The following PARD3 variants were observed in gnomAD, a reference collection of about 807,000 sequenced individuals.
PARD3 encodes par-3 family cell polarity regulator, also known as partitioning defective 3 homolog.
In PARD3, 75 loss-of-function variants were observed where a neutral mutation model predicts 155.4. That is an observed-to-expected ratio of 0.48 (90% CI 0.40 to 0.58). The LOEUF is 0.58. PARD3 is among the 20% of genes least tolerant of loss of function. The pLI, the probability that PARD3 is intolerant of heterozygous loss-of-function variation, is 0.00. For synonymous variants in PARD3, 576 were observed against 610.5 expected (o/e 0.94, Z 0.83); for missense variants, 1,642 against 1,721.7 (o/e 0.95, Z 0.82).
chr10:34,337,343 T>A lies in PARD3; in HGVS notation c.2492A>T (p.Lys831Met). Residue 831 changes from lysine to methionine, a missense_variant, in exon 17 of 25, where the codon AAG becomes ATG. By Grantham distance (95) the Lys-to-Met change is moderately conservative. Transcript: ENST00000374788. Reference protein sequence around the residue: ...GRQSMSEKRTKQFSDASQLDF... With the variant: ...GRQSMSEKRTMQFSDASQLDF... ...CAATTGACTGGCATCTGAAAATTGC[T>A]TTGTGCGTTTTTCTGACATACTCTG... 2 of 1,603,450 alleles carry A rather than the reference T, an allele frequency of 1.2e-6. No homozygotes were observed. The highest frequency in any genetic ancestry group is 1.7e-6 in the Non-Finnish European group (2 of 1,174,762).
At chr10:34,578,227 GA>G in intron 2 of PARD3, among the ~76,000 whole-genome samples, 1 of 152,014 alleles carries the variant, frequency 6.6e-6, no homozygotes, top group Non-Finnish European at 1.5e-5. Flanking sequence ...ACTTCGTGCT[GA>G]AAAAAATTTT....
At chr10:34,750,504 CACACA>C (rs1382127149) in intron 1 of PARD3, among the ~76,000 whole-genome samples, 28 of 136,356 alleles carry the variant, frequency 2.1e-4, no homozygotes, top group South Asian at 1.8e-3. Context: ...CACACACACA[CACACA>C]CCCTAAGACT....
intron 15 of PARD3, among the ~76,000 whole-genome samples, chr10:34,347,508 G>A (rs1055918074): frequency 2.0e-5 from 3 of 152,200 alleles, no homozygotes; most frequent in African/African-American, 7.2e-5. Flanking sequence ...CCAGATACAT[G>A]TGAATATTTT....
Position 34,325,536 on chromosome 10 carries a change from CT to C in PARD3, c.2833+5580del, listed in dbSNP as rs1389420077. On this transcript the variant is annotated intron_variant, in intron 19 of 24. Transcript: ENST00000374788. ...CTGGGCACCCCTACACCACCACCCC[CT>C]CCCCAGTGTCACACTAACTTACACA... 2.6e-5 allele frequency among the ~76,000 whole-genome samples: 4 copies of C among 152,160 alleles called. 1 individual carries two copies. Among genetic ancestry groups the C allele is most frequent in the African/African-American group, 9.7e-5 (4 of 41,416 alleles).
chr10:34,643,644 G>A (rs2092748265), intron 2 of PARD3, among the ~76,000 whole-genome samples: 1 of 152,212 alleles, frequency 6.6e-6, no homozygotes, highest in South Asian at 2.1e-4. Flanking sequence ...TATAGGTCAG[G>A]TGTGGCGGCT....
intron 5 of PARD3, among the ~76,000 whole-genome samples, chr10:34,436,687 G>A (rs2076204375): frequency 6.6e-6 from 1 of 152,134 alleles, no homozygotes; most frequent in African/African-American, 2.4e-5. Context: ...AACAGCAAAG[G>A]ATAGTAAATA....
intron 7 of PARD3, among the ~76,000 whole-genome samples, chr10:34,385,282 C>T (rs990818913): frequency 3.3e-5 from 5 of 151,968 alleles, no homozygotes; most frequent in Non-Finnish European, 7.4e-5. Context: ...CACAGGCATG[C>T]GCCACCATGC....
rs755977475 is a variant in PARD3 at position 34,341,635 on chromosome 10, T to C, written c.2400A>G (p.Ser800=). ...GTWAKAAISD[S]ADCSLSPDVD... ...CTGGACGATGAGCTTACCAGTCGGC[T>C]GAATCACTGATTGCAGCCTTGGCCC... is the stretch of plus-strand genomic sequence containing the variant. The change falls in exon 16 of 25, where the codon TCA becomes TCG. Residue 800 remains serine (S), a synonymous_variant. Coordinates refer to ENST00000374788, the MANE Select transcript of PARD3 (RefSeq NM_001184785.2). 8.1e-6 allele frequency: 13 copies of C among 1,611,438 alleles called. No individual in the cohort carries two copies. Among genetic ancestry groups the C allele is most frequent in the African/African-American group, 1.3e-5 (1 of 74,826 alleles).
chr10:34,444,232 C>T (rs1589598607), intron 5 of PARD3, among the ~76,000 whole-genome samples: 1 of 152,176 alleles, frequency 6.6e-6, no homozygotes, highest in African/African-American at 2.4e-5. Flanking sequence ...AAATGGCAGG[C>T]TCCCAATTAG....
At chr10:34,769,161 C>G (rs1787183438) in intron 1 of PARD3, among the ~76,000 whole-genome samples, 1 of 152,208 alleles carries the variant, frequency 6.6e-6, no homozygotes, top group Admixed American at 6.5e-5. Context: ...TTGCAGCTGT[C>G]TGCACAGGGC....
intron 5 of PARD3, among the ~76,000 whole-genome samples, chr10:34,449,139 G>A (rs894449481): frequency 1.9e-4 from 29 of 151,658 alleles, no homozygotes; most frequent in Middle Eastern, 3.4e-3. Flanking sequence ...GGATGGTCTC[G>A]ATCTCCTGAC....
chr10:34,640,732 A>AAAAAAAAAAAAAAAAAAAAAAAC, intron 2 of PARD3, among the ~76,000 whole-genome samples: 1 of 145,354 alleles, frequency 6.9e-6, no homozygotes, highest in Non-Finnish European at 1.5e-5. Context: ...AAAAAAAAAA[A>AAAAAAAAAAAAAAAAAAAAAAAC]AAAAGCACTT....
In PARD3 at chr10:34,325,207, G is replaced by A. The variant is rs553118824; in HGVS notation, c.2833+5910C>T. Among the ~76,000 whole-genome samples the A allele has an allele frequency of 3.9e-5, 6 of 151,954 alleles. No homozygotes were observed. In the South Asian group the frequency reaches 8.3e-4, roughly 21 times the overall value. ...GTATTTTTAGTAGAGATGGGGTCTC[G>A]CCATGTTGGCCAGGCTGGTCTCGAA... On this transcript the variant is annotated intron_variant, in intron 19 of 24. Coordinates refer to ENST00000374788, the MANE Select transcript of PARD3 (RefSeq NM_001184785.2).
chr10:34,235,550 A>C (rs1225514435), intron 22 of PARD3, among the ~76,000 whole-genome samples: 2 of 152,152 alleles, frequency 1.3e-5, no homozygotes, highest in African/African-American at 4.8e-5. Flanking sequence ...TTTTTCCCCA[A>C]TTCATCTATG....
intron 22 of PARD3, among the ~76,000 whole-genome samples, chr10:34,173,542 G>A (rs1949899460): frequency 6.6e-6 from 1 of 152,178 alleles, no homozygotes; most frequent in Non-Finnish European, 1.5e-5. Flanking sequence ...CAGGGATCTT[G>A]TTAAGATGAA....
At chr10:34,476,839 T>A (rs1266274343) in intron 3 of PARD3, among the ~76,000 whole-genome samples, 2 of 152,198 alleles carry the variant, frequency 1.3e-5, no homozygotes, top group Non-Finnish European at 2.9e-5. Flanking sequence ...TAGAGAATGG[T>A]GCAGTAGTAG....
chr10:34,282,651 G>A lies in PARD3; in HGVS notation c.3176+1484C>T, dbSNP rs572883590. Among the ~76,000 whole-genome samples, 27 of 152,196 alleles carry A rather than the reference G, an allele frequency of 1.8e-4. 1 individual carries two copies. The highest frequency in any genetic ancestry group is 2.1e-4 in the South Asian group (1 of 4,824). On this transcript the variant is annotated intron_variant, in intron 21 of 24. Transcript: ENST00000374788. ...TGGCAGGTATCAAGATATAGGGGAG[G>A]TATAATGTTTCTGTCGCTCAGATTA...
intron 5 of PARD3, among the ~76,000 whole-genome samples, chr10:34,432,337 TAC>T (rs71917947): frequency 0.22 from 30,907 of 143,258 alleles, 3,477 homozygotes; most frequent in South Asian, 0.37. Context: ...CACGTGCACA[TAC>T]ACACACACAC....
At position 34,779,245 on chromosome 10, in the gene PARD3, G is replaced by T. The variant is rs1051325679; in HGVS notation, c.120+35631C>A. ...CGCTTGAACCTGGGAGGTGAAGGCT[G>T]CAGTGAGCCAAGATCATGCCACTGC... is the stretch of plus-strand genomic sequence containing the variant. On this transcript the variant is annotated intron_variant, in intron 1 of 24. Coordinates refer to ENST00000374788, the MANE Select transcript of PARD3 (RefSeq NM_001184785.2). Among the ~76,000 whole-genome samples the T allele has an allele frequency of 1.1e-4, 16 of 152,078 alleles. 1 individual carries two copies. Among genetic ancestry groups the T allele is most frequent in the Admixed American group, 8.5e-4 (13 of 15,260 alleles).
Sources: allele counts gnomAD v4.1 joint callset (sites outside exome capture counted in the v4.1 genomes callset), GRCh38; gene constraint gnomAD v4.1.1; transcripts MANE v1.5; gene names NCBI Gene and HGNC (gene_info 2026-07-23, HGNC 2026-07-21).